PPP2R2B: variants seen among roughly 807,000 people sequenced by gnomAD.
PPP2R2B encodes protein phosphatase 2 regulatory subunit Bbeta.
PPP2R2B carries 5 observed loss-of-function variants against 46.0 expected under a neutral mutation model. That is an observed-to-expected ratio of 0.11 (90% CI 0.06 to 0.23). The LOEUF is 0.23. Ranked by LOEUF, PPP2R2B falls within the 10% of genes least tolerant of loss-of-function variation. PPP2R2B has a pLI of 1.00. For missense variants in PPP2R2B, 367 were observed against 575.0 expected, an observed-to-expected ratio of 0.64 and a Z score of 3.70; for synonymous variants, 215 against 206.7, an observed-to-expected ratio of 1.04 and a Z score of -0.34.
At chr5:146,904,553 G>C (rs1398930486) in intron 1 of PPP2R2B, among the ~76,000 whole-genome samples, 1 of 152,186 alleles carries the variant, frequency 6.6e-6, no homozygotes, top group Non-Finnish European at 1.5e-5. Context: ...AGCCCAGAGA[G>C]GTTGTAAGCT....
chr5:146,889,142 A>G (rs1194891376), intron 1 of PPP2R2B, among the ~76,000 whole-genome samples: 1 of 152,250 alleles, frequency 6.6e-6, no homozygotes, highest in Non-Finnish European at 1.5e-5. Context: ...TTGCTCAATA[A>G]TAAGGATGAA....
intron 2 of PPP2R2B, among the ~76,000 whole-genome samples, chr5:146,800,903 G>C (rs1324164002): frequency 6.6e-6 from 1 of 151,530 alleles, no homozygotes; most frequent in Non-Finnish European, 1.5e-5. Flanking sequence ...AAGAAAATGT[G>C]GGGTATGTGT....
intron 1 of PPP2R2B, among the ~76,000 whole-genome samples, chr5:147,014,039 GA>G (rs1020615668): frequency 1.6e-5 from 2 of 125,222 alleles, no homozygotes; most frequent in East Asian, 2.4e-4. Flanking sequence ...AAATTTACAA[GA>G]AAAAAACAAA....
At chr5:146,773,735 A>G (rs1755009489) in intron 2 of PPP2R2B, among the ~76,000 whole-genome samples, 1 of 152,158 alleles carries the variant, frequency 6.6e-6, no homozygotes. Context: ...GCACAACTCA[A>G]CAGCTATTTC....
chr5:146,770,359 TGAA>T (rs1271807806), intron 2 of PPP2R2B, among the ~76,000 whole-genome samples: 1 of 131,188 alleles, frequency 7.6e-6, no homozygotes, highest in Non-Finnish European at 1.6e-5. Flanking sequence ...AAAAAAAGAA[TGAA>T]GAATTCAAAA....
intron 2 of PPP2R2B, among the ~76,000 whole-genome samples, chr5:147,075,328 A>G (rs1719523634): frequency 6.6e-6 from 1 of 152,186 alleles, no homozygotes. Context: ...GAATGTTTAG[A>G]TGGCATCCTA....
intron 2 of PPP2R2B, among the ~76,000 whole-genome samples, chr5:146,741,971 G>T (rs1422458494): frequency 6.6e-6 from 1 of 152,090 alleles, no homozygotes; most frequent in East Asian, 1.9e-4. Flanking sequence ...GACTCGTCTG[G>T]GTCTTGGGAT....
intron 2 of PPP2R2B, among the ~76,000 whole-genome samples, chr5:146,773,676 G>C (rs1337353149): frequency 6.6e-6 from 1 of 152,070 alleles, no homozygotes; most frequent in African/African-American, 2.4e-5. Context: ...TTGCTTTCCT[G>C]AGCAGCAGGG....
chr5:146,673,544 TAA>T (rs59517598), intron 5 of PPP2R2B, among the ~76,000 whole-genome samples: 3,346 of 152,266 alleles, frequency 0.022, 116 homozygotes, highest in African/African-American at 0.077. Flanking sequence ...GTGGATCCTT[TAA>T]CCTGAGGGGA....
chr5:146,805,335 C>G (rs931085554), intron 2 of PPP2R2B, among the ~76,000 whole-genome samples: 1 of 152,166 alleles, frequency 6.6e-6, no homozygotes. Flanking sequence ...TCACCCCTCC[C>G]CCCAACTCTT....
chr5:146,688,717 T>C (rs1251134415), intron 5 of PPP2R2B, among the ~76,000 whole-genome samples: 5 of 152,058 alleles, frequency 3.3e-5, no homozygotes, highest in Non-Finnish European at 7.4e-5. Flanking sequence ...CTTTGCTCTT[T>C]ATCATAGGGA....
intron 1 of PPP2R2B, among the ~76,000 whole-genome samples, chr5:147,018,778 A>C (rs1389949672): frequency 1.3e-5 from 2 of 152,146 alleles, no homozygotes; most frequent in Non-Finnish European, 2.9e-5. Flanking sequence ...ACCAGCTTTT[A>C]AAACAAATAT....
chr5:147,077,013 T>C (rs1254340776), intron 2 of PPP2R2B, among the ~76,000 whole-genome samples: 1 of 136,870 alleles, frequency 7.3e-6, no homozygotes, highest in East Asian at 1.9e-4. Context: ...AAGATGCAAT[T>C]TGAACATCTT....
At chr5:146,947,359 C>T (rs1404043929) in intron 1 of PPP2R2B, among the ~76,000 whole-genome samples, 1 of 152,156 alleles carries the variant, frequency 6.6e-6, no homozygotes, top group African/African-American at 2.4e-5. Flanking sequence ...TCTGTGCAGT[C>T]TGCCCTCTAG....
chr5:147,067,991 G>A (rs1286810803), intron 2 of PPP2R2B, among the ~76,000 whole-genome samples: 1 of 152,068 alleles, frequency 6.6e-6, no homozygotes, highest in African/African-American at 2.4e-5. Context: ...TAATCTTTGT[G>A]TGCACCCAGG....
chr5:146,588,870 C>CTAT lies in PPP2R2B; in HGVS notation c.*1074_*1076dup, dbSNP rs1554109446. 1 of 152,064 alleles carries CTAT rather than the reference C, an allele frequency of 6.6e-6. No individual in the cohort carries two copies. Among genetic ancestry groups the CTAT allele is most frequent in the African/African-American group, 2.4e-5 (1 of 41,392 alleles). 9.4% of individuals were successfully genotyped at this position (152,064 alleles called of 1,614,324 possible). ...CTTCACAACTCAGCGTTTTTATTGG[C>CTAT]TATTTTTGTTCTAGGTACAATGGAG... is the stretch of plus-strand genomic sequence containing the variant. On this transcript the variant is annotated 3_prime_UTR_variant, in exon 10 of 10. Coordinates refer to ENST00000394411, the MANE Select transcript of PPP2R2B (RefSeq NM_181675.4).
At chr5:146,938,293 A>G (rs1764218141) in intron 1 of PPP2R2B, among the ~76,000 whole-genome samples, 1 of 152,178 alleles carries the variant, frequency 6.6e-6, no homozygotes, top group South Asian at 2.1e-4. Context: ...TTAAAGAGAA[A>G]ATGCATGGTG....
intron 2 of PPP2R2B, among the ~76,000 whole-genome samples, chr5:146,831,270 G>A (rs1424660093): frequency 6.6e-6 from 1 of 152,042 alleles, no homozygotes; most frequent in Non-Finnish European, 1.5e-5. Context: ...GCTGAGACAG[G>A]TGGATTACCT....
At chr5:146,618,315 C>T (rs533622605) in intron 7 of PPP2R2B, among the ~76,000 whole-genome samples, 24 of 152,198 alleles carry the variant, frequency 1.6e-4, no homozygotes, top group Middle Eastern at 3.4e-3. Flanking sequence ...GGCAGCCTCT[C>T]GAAGCTCAAA....
Sources: gnomAD v4.1 joint callset for allele counts (sites outside exome capture counted in the v4.1 genomes callset) on GRCh38, gnomAD v4.1.1 for gene constraint, MANE v1.5 for transcripts, NCBI Gene and HGNC (gene_info 2026-07-23, HGNC 2026-07-21) for gene names.